The following POLG variants were observed in gnomAD, a reference collection of about 807,000 sequenced individuals.
POLG encodes DNA polymerase gamma, catalytic subunit.
A neutral mutation model predicts 155.4 loss-of-function variants in POLG; 110 were observed. The observed-to-expected ratio is 0.71, with a 90% CI of 0.61 to 0.83. POLG has a LOEUF of 0.83. Among genes scored for constraint, POLG ranks in the 40% least tolerant of loss-of-function variants. The pLI is 0.00. For synonymous variants in POLG, 701 were observed against 631.5 expected (o/e 1.11, Z -1.65); for missense variants, 1,685 against 1,627.5 (o/e 1.04, Z -0.61).
chr15:89,320,713 T>A, intron 18 of POLG, 53 bp downstream of exon 18: 1 of 1,604,328 alleles, frequency 6.2e-7, no homozygotes, highest in Non-Finnish European at 8.5e-7. Flanking sequence ...TAAAGGACAG[T>A]AAAGCAGGCC....
At position 89,320,916 on chromosome 15, in the gene POLG, T is replaced by TCACGGCTGATGCC; in HGVS notation, c.2818_2830dup (p.Glu944GlyfsTer5). 6.2e-7 allele frequency: 1 copy of TCACGGCTGATGCC among 1,614,008 alleles called. No homozygotes were observed. The highest frequency in any genetic ancestry group is 8.5e-7 in the Non-Finnish European group (1 of 1,180,024). ...GCCGTAGTTGAAGATTTTGGCATGC[T>TCACGGCTGATGCC]CACGGCTGATGCCCACAGTAGTGGC... On this transcript the variant is annotated stop_gained and frameshift_variant, in exon 18 of 23. Coordinates refer to ENST00000268124, the MANE Select transcript of POLG (RefSeq NM_002693.3). LOFTEE classifies it high-confidence loss of function.
At chr15:89,322,651 TG>T in intron 14 of POLG, 90 bp downstream of exon 14, 1 of 1,398,356 alleles carries the variant, frequency 7.2e-7, no homozygotes, top group Non-Finnish European at 1.0e-6. Context: ...ATAGTCAGGC[TG>T]GCCCTCTGTG....
intron 13 of POLG, 136 bp from the exon 14 acceptor site, chr15:89,323,038 C>T (rs1347325543): frequency 3.3e-5 from 22 of 662,196 alleles, no homozygotes; most frequent in East Asian, 5.4e-5. Flanking sequence ...GATTGTATCA[C>T]GCACGCGCGC....
intron 13 of POLG, 77 bp from the exon 14 acceptor site, chr15:89,322,979 C>T: frequency 7.1e-7 from 1 of 1,402,146 alleles, no homozygotes; most frequent in Non-Finnish European, 1.0e-6. Context: ...AGTACCTGCA[C>T]TCCTCCCAAC....
In POLG at chr15:89,322,003, C is replaced by T. The variant is rs2055404209; in HGVS notation, c.2439G>A (p.Val813=). The stretch of plus-strand genomic sequence containing the variant: ...GCAGAGCTGACCTGGGCAGCCACAC[C>T]ACCATCTGGGAGCTGTGGGGACAGA... The part of the protein sequence containing the change: ...NAHKRISSQM[V]VWLPRSALPR... The change falls in exon 15 of 23, where the codon GTG becomes GTA. Residue 813 remains valine, a synonymous_variant. Coordinates refer to ENST00000268124, the MANE Select transcript of POLG (RefSeq NM_002693.3). 6.2e-7 allele frequency: 1 copy of T among 1,614,036 alleles called. No homozygotes were observed. Among genetic ancestry groups the T allele is most frequent in the Non-Finnish European group, 8.5e-7 (1 of 1,179,990 alleles).
chr15:89,329,903 G>A (rs1051083674), intron 3 of POLG, among the ~76,000 whole-genome samples, 178 bp downstream of exon 3: 2 of 152,136 alleles, frequency 1.3e-5, no homozygotes, highest in African/African-American at 4.8e-5. Flanking sequence ...GCTTTCCCGG[G>A]GACATACAAC....
chr15:89,334,536 T>TGC (rs879448643), intron 1 of POLG, 137 bp downstream of exon 1: 2 of 151,980 alleles, frequency 1.3e-5, no homozygotes, highest in Admixed American at 1.3e-4. Context: ...GCCGCCCGCC[T>TGC]GCGCCCGGCA....
intron 18 of POLG, 121 bp downstream of exon 18, chr15:89,320,645 G>A: frequency 1.8e-6 from 2 of 1,120,366 alleles, no homozygotes; most frequent in Non-Finnish European, 2.6e-6. Context: ...AGGTGTGGAA[G>A]GAGAGGGGCT....
In POLG at chr15:89,316,805, C is replaced by T. The variant is rs770992948; in HGVS notation, c.3666G>A (p.Gln1222=). The T allele has an allele frequency of 4.3e-6, 7 of 1,613,802 alleles. No homozygotes were observed. Among genetic ancestry groups the T allele is most frequent in the Admixed American group, 1.7e-5 (1 of 60,004 alleles). ...IPQGEALDIY[Q]IIELTKGSLE... ...AGGAGCCTTTGGTGAGTTCAATTAT[C>T]TGGTAAATATCCAGCGCTTCACCTG... The change falls in exon 23 of 23, where the codon CAG becomes CAA. Residue 1222 remains glutamine, a synonymous_variant. Coordinates refer to ENST00000268124, the MANE Select transcript of POLG (RefSeq NM_002693.3).
chr15:89,330,322 C>T lies in POLG; in HGVS notation c.660-46G>A, dbSNP rs2307430. On this transcript the variant is annotated intron_variant, in intron 2 of 22. Transcript: ENST00000268124. ...GCAGGTTCACCATGGAGACATTAAA[C>T]TTCCACTCCACAACAACCACTGCAC... 13,755 of 1,458,158 alleles carry T rather than the reference C, an allele frequency of 9.4e-3. 911 individuals carry two copies. In the African/African-American group the frequency reaches 0.16, roughly 17 times the overall value. The allele number at this position is 1,458,158 out of a possible 1,614,324, so 90.3% of individuals were successfully genotyped here.
intron 18 of POLG, 92 bp downstream of exon 18, chr15:89,320,674 T>C (rs1596351789): frequency 3.5e-6 from 5 of 1,429,652 alleles, no homozygotes; most frequent in Non-Finnish European, 3.9e-6. Flanking sequence ...GTTCAAGTAA[T>C]GGGCAGGAGA....
chr15:89,321,214 G>C lies in POLG; in HGVS notation c.2645C>G (p.Pro882Arg), dbSNP rs762280861. 6.2e-7 allele frequency: 1 copy of C among 1,614,096 alleles called. No individual in the cohort carries two copies. Among genetic ancestry groups the C allele is most frequent in the African/African-American group, 1.3e-5 (1 of 75,068 alleles). ...SELKAMVQAP[P>R]GYTLVGADVD... The stretch of plus-strand genomic sequence containing the variant: ...ATCAGCACCCACAAGGGTGTAGCCA[G>C]GTGGGGCCTGCACCATGGCTTTCAA... The change falls in exon 17 of 23, where the codon CCT (proline) becomes CGT (arginine). Residue 882 changes from proline to arginine, a missense_variant. Pro to Arg is a moderately radical substitution (Grantham distance 103). Around this residue, in one of 3 missense-constraint regions of POLG, gnomAD observed 1,210 missense variants for 1,167.1 expected, o/e 1.04. Transcript: ENST00000268124.
In POLG at chr15:89,325,100, G is replaced by A. The variant is rs1170863431; in HGVS notation, c.1949+350C>T. On this transcript the variant is annotated intron_variant, in intron 10 of 22. Coordinates refer to ENST00000268124, the MANE Select transcript of POLG (RefSeq NM_002693.3). Reference sequence around the variant, plus strand: ...AGTGAGTGAGAGAGTGAGTGAGTGAGAGAGTGAGAGAGAGTGAGTGAGTGA... The same window carrying A: ...AGTGAGTGAGAGAGTGAGTGAGTGAAAGAGTGAGAGAGAGTGAGTGAGTGA... 8.4e-4 allele frequency among the ~76,000 whole-genome samples: 70 copies of A among 83,258 alleles called. 3 individuals are homozygous for A. The highest frequency in any genetic ancestry group is 5.2e-3 in the African/African-American group (64 of 12,242). 54.6% of individuals were successfully genotyped at this position (83,258 alleles called of 152,430 possible). A position where few individuals can be genotyped will look rare whatever the true frequency, so the allele number is the denominator to read the frequency against.
Position 89,316,647 on chromosome 15 carries a change from T to C in POLG, c.*104A>G, listed in dbSNP as rs1275110213. The C allele has an allele frequency of 5.9e-6, 7 of 1,184,112 alleles. No individual in the cohort carries two copies. The highest frequency in any genetic ancestry group is 3.7e-5 in the South Asian group (3 of 81,350). 73.4% of individuals were successfully genotyped at this position (1,184,112 alleles called of 1,614,324 possible). On this transcript the variant is annotated 3_prime_UTR_variant, in exon 23 of 23. Coordinates refer to ENST00000268124, the MANE Select transcript of POLG (RefSeq NM_002693.3). The stretch of plus-strand genomic sequence containing the variant: ...CCTGCTACTGAAAAATGGCTGGCCT[T>C]AGGCAAGCCCTTTTGCAAAAAGCAC...
chr15:89,326,301 G>A (rs979305577), intron 9 of POLG, among the ~76,000 whole-genome samples: 4 of 152,202 alleles, frequency 2.6e-5, no homozygotes, highest in African/African-American at 7.2e-5. Flanking sequence ...TGCACTGGCT[G>A]GTCTACGTGC....
chr15:89,328,093 T>C (rs1190779360), intron 6 of POLG, among the ~76,000 whole-genome samples: 2 of 151,852 alleles, frequency 1.3e-5, no homozygotes, highest in Admixed American at 6.5e-5. Context: ...TCCATATCTT[T>C]GGTACAAATA....
rs756056721 is a variant in POLG at position 89,325,542 on chromosome 15, G to A, written c.1857C>T (p.Gly619=). 2.5e-6 allele frequency: 4 copies of A among 1,613,260 alleles called. 1 individual carries two copies. The highest frequency in any genetic ancestry group is 3.3e-4 in the Middle Eastern group (2 of 6,062). Residue 619 remains glycine (G), a synonymous_variant, in exon 10 of 23, where the codon GGC becomes GGT. Transcript: ENST00000268124. ...GFPLHYSERH[G]WGYLVPGRRD... ...GCCGCCCAGGCACCAAGTAGCCCCA[G>A]CCATGACGCTCTGAGTAGTGCAGAG...
chr15:89,321,285 A>G (rs769122451), intron 16 of POLG, 25 bp from the exon 17 acceptor site: 2 of 1,612,934 alleles, frequency 1.2e-6, no homozygotes, highest in Non-Finnish European at 1.7e-6. Context: ...AGATACCCAA[A>G]TGAGACTCTT....
In POLG at chr15:89,322,798, A is replaced by T; in HGVS notation, c.2370T>A (p.Arg790=). ...AAATCATTTTGTTGATTTCCAGAGC[A>T]CGGGGCCCACTGGCACCTCCTGGGC... ...QAGPGGASGP[R]ALEINKMISF... Residue 790 remains arginine, a synonymous_variant, in exon 14 of 23, where the codon CGT becomes CGA. Coordinates refer to ENST00000268124, the MANE Select transcript of POLG (RefSeq NM_002693.3). 1.2e-6 allele frequency: 2 copies of T among 1,614,202 alleles called. No homozygotes were observed. Among genetic ancestry groups the T allele is most frequent in the Non-Finnish European group, 1.7e-6 (2 of 1,180,036 alleles).
Sources: gnomAD v4.1 joint callset for allele counts (sites outside exome capture counted in the v4.1 genomes callset) on GRCh38, gnomAD v4.1.1 for gene constraint, gnomAD v4.1.1 regional missense constraint, MANE v1.5 for transcripts, NCBI Gene and HGNC (gene_info 2026-07-23, HGNC 2026-07-21) for gene names.